Variants in PLCL1 observed in about 807,000 individuals in gnomAD.
PLCL1 encodes the protein phospholipase C like 1 (inactive).
PLCL1 carries 41 observed loss-of-function variants against 84.4 expected under a neutral mutation model. The observed-to-expected ratio is 0.49, with a 90% CI of 0.38 to 0.63. PLCL1 has a LOEUF of 0.63. PLCL1 is among the 30% of genes least tolerant of loss of function. The probability of loss-of-function intolerance (pLI) is 0.00; values close to 1 mark genes in which losing one functional copy is unlikely to be tolerated. For missense variants in PLCL1, 1,206 were observed against 1,367.8 expected (o/e 0.88, Z 1.87); for synonymous variants, 490 against 488.3 (o/e 1.00, Z -0.05).
chr2:198,051,840 C>T (rs562770338), intron 1 of PLCL1, among the ~76,000 whole-genome samples: 2 of 151,562 alleles, frequency 1.3e-5, no homozygotes, highest in African/African-American at 2.4e-5. Context: ...TCAAGCGATT[C>T]TCCTGCCTCA....
intron 1 of PLCL1, among the ~76,000 whole-genome samples, chr2:198,021,597 C>A (rs998972411): frequency 6.6e-6 from 1 of 152,176 alleles, no homozygotes. Context: ...AAACTACCAT[C>A]GGAGAATACT....
intron 1 of PLCL1, among the ~76,000 whole-genome samples, chr2:198,060,719 G>C (rs927248372): frequency 2.6e-5 from 4 of 152,050 alleles, no homozygotes; most frequent in African/African-American, 4.8e-5. Flanking sequence ...AAAATAATTA[G>C]GTTCAATTAA....
intron 5 of PLCL1, among the ~76,000 whole-genome samples, chr2:198,141,619 G>A (rs1694390475): frequency 6.6e-6 from 1 of 152,048 alleles, no homozygotes; most frequent in Non-Finnish European, 1.5e-5. Context: ...GAGTCCCAAC[G>A]GATGGTTTTT....
chr2:197,965,955 A>G (rs1431964384), intron 1 of PLCL1, among the ~76,000 whole-genome samples: 1 of 151,910 alleles, frequency 6.6e-6, no homozygotes, highest in African/African-American at 2.4e-5. Flanking sequence ...ACCACTCTTG[A>G]CTATTCAGGG....
At chr2:197,897,169 TTC>T (rs1408059279) in intron 1 of PLCL1, among the ~76,000 whole-genome samples, 371 of 31,856 alleles carry the variant, frequency 0.012, 5 homozygotes, top group African/African-American at 0.03. Flanking sequence ...CTTCTTCTTC[TTC>T]TTCTTCTTCT....
intron 1 of PLCL1, among the ~76,000 whole-genome samples, chr2:197,851,764 G>A (rs1161155094): frequency 6.6e-6 from 1 of 152,184 alleles, no homozygotes; most frequent in African/African-American, 2.4e-5. Flanking sequence ...GGACAAGAAG[G>A]TCTAGCCTTG....
intron 1 of PLCL1, among the ~76,000 whole-genome samples, chr2:198,077,820 A>C (rs1692615466): frequency 6.6e-6 from 1 of 152,140 alleles, no homozygotes; most frequent in South Asian, 2.1e-4. Context: ...CTGATATTTC[A>C]TACCTCATTT....
intron 1 of PLCL1, among the ~76,000 whole-genome samples, chr2:197,855,766 G>A (rs1185237874): frequency 2.0e-5 from 3 of 151,908 alleles, no homozygotes; most frequent in Non-Finnish European, 2.9e-5. Context: ...CTTCTTTAAC[G>A]GGGCCCATCC....
intron 1 of PLCL1, among the ~76,000 whole-genome samples, chr2:197,840,106 A>G (rs1302403102): frequency 6.6e-6 from 1 of 152,214 alleles, no homozygotes; most frequent in Non-Finnish European, 1.5e-5. Flanking sequence ...TTTCTAAGGA[A>G]AGAGTGTATC....
chr2:198,130,529 AT>A (rs1342913633), intron 5 of PLCL1, among the ~76,000 whole-genome samples: 1 of 152,080 alleles, frequency 6.6e-6, no homozygotes. Flanking sequence ...TAGTTTATAT[AT>A]CAAATTACCT....
chr2:198,088,051 C>T (rs566853703), intron 2 of PLCL1, among the ~76,000 whole-genome samples: 1 of 152,224 alleles, frequency 6.6e-6, no homozygotes, highest in South Asian at 2.1e-4. Flanking sequence ...TAGTTATAAA[C>T]CATTTCTGCA....
intron 5 of PLCL1, among the ~76,000 whole-genome samples, chr2:198,111,769 T>G (rs1312975947): frequency 6.6e-6 from 1 of 151,936 alleles, no homozygotes; most frequent in African/African-American, 2.4e-5. Context: ...AAGGCCATGT[T>G]GTCATCCCAC....
At chr2:197,869,506 G>A (rs1167195950) in intron 1 of PLCL1, among the ~76,000 whole-genome samples, 3 of 152,042 alleles carry the variant, frequency 2.0e-5, no homozygotes, top group Admixed American at 6.6e-5. Flanking sequence ...CTTCAGGCCT[G>A]TTGATGTTCG....
chr2:198,000,738 C>T (rs2105820115), intron 1 of PLCL1, among the ~76,000 whole-genome samples: 1 of 142,764 alleles, frequency 7.0e-6, no homozygotes, highest in Non-Finnish European at 1.6e-5. Context: ...ACTTTATTTC[C>T]CTTTTTTTTT....
intron 1 of PLCL1, among the ~76,000 whole-genome samples, chr2:197,985,310 T>G (rs940824553): frequency 6.6e-6 from 1 of 152,230 alleles, no homozygotes; most frequent in Admixed American, 6.5e-5. Context: ...GAGAAATTCA[T>G]TATGTAGAGC....
intron 1 of PLCL1, among the ~76,000 whole-genome samples, chr2:197,984,113 CTG>C (rs1239863117): frequency 6.6e-6 from 1 of 152,088 alleles, no homozygotes. Flanking sequence ...TTTGATTAGT[CTG>C]TGTAGTGATT....
intron 5 of PLCL1, among the ~76,000 whole-genome samples, chr2:198,146,554 T>C (rs1694521052): frequency 6.6e-6 from 1 of 152,120 alleles, no homozygotes; most frequent in African/African-American, 2.4e-5. Flanking sequence ...CTGCCAGCAA[T>C]TGCATAGCCA....
chr2:198,058,829 G>A (rs1032591980), intron 1 of PLCL1, among the ~76,000 whole-genome samples: 38 of 152,042 alleles, frequency 2.5e-4, no homozygotes, highest in East Asian at 1.7e-3. Flanking sequence ...CCATTTTAGC[G>A]ATTCCTTCAA....
intron 1 of PLCL1, among the ~76,000 whole-genome samples, chr2:197,897,168 CTT>C (rs1688158535): frequency 6.4e-4 from 20 of 31,420 alleles, no homozygotes; most frequent in African/African-American, 2.0e-3. Flanking sequence ...TCTTCTTCTT[CTT>C]CTTCTTCTTC....
Sources: gnomAD v4.1 joint callset for allele counts (sites outside exome capture counted in the v4.1 genomes callset) on GRCh38, gnomAD v4.1.1 for gene constraint, MANE v1.5 for transcripts, NCBI Gene and HGNC (gene_info 2026-07-23, HGNC 2026-07-21) for gene names.